SBF2: variants seen among roughly 807,000 people sequenced by gnomAD.
SBF2 encodes myotubularin-related protein 13.
SBF2 carries 112 observed loss-of-function variants against 225.2 expected under a neutral mutation model. The observed-to-expected ratio is 0.50, with a 90% CI of 0.43 to 0.58. The LOEUF (loss-of-function observed/expected upper bound fraction) is 0.58, where lower values mean the gene tolerates loss of function less well. SBF2 is among the 20% of genes least tolerant of loss of function. The pLI is 0.00. For synonymous variants in SBF2, 763 were observed against 773.3 expected (o/e 0.99, Z 0.22); for missense variants, 1,996 against 2,206.2 (o/e 0.90, Z 1.91).
intron 2 of SBF2, among the ~76,000 whole-genome samples, chr11:10,095,569 G>C (rs537103321): frequency 6.6e-6 from 1 of 152,074 alleles, no homozygotes; most frequent in Non-Finnish European, 1.5e-5. Flanking sequence ...ATCAACTGCT[G>C]CTAGGTGTAA....
intron 1 of SBF2, among the ~76,000 whole-genome samples, chr11:10,235,781 T>C (rs1397378364): frequency 6.6e-6 from 1 of 152,122 alleles, no homozygotes; most frequent in East Asian, 1.9e-4. Context: ...CATCTAGATA[T>C]CCATCATTCA....
chr11:9,886,504 T>C (rs1191437681), intron 17 of SBF2, among the ~76,000 whole-genome samples: 1 of 152,032 alleles, frequency 6.6e-6, no homozygotes, highest in Non-Finnish European at 1.5e-5. Flanking sequence ...TCTGGACAGA[T>C]CCACATAGAA....
chr11:9,785,530 AT>A (rs1036456707), intron 36 of SBF2, among the ~76,000 whole-genome samples: 1 of 152,194 alleles, frequency 6.6e-6, no homozygotes, highest in African/African-American at 2.4e-5. Context: ...AAATTATGGC[AT>A]TTCCATACAG....
At position 9,794,676 on chromosome 11, in the gene SBF2, CAAAAAAA is replaced by C. The variant is rs575749593; in HGVS notation, c.4570+1148_4570+1154del. 5.1e-4 allele frequency among the ~76,000 whole-genome samples: 18 copies of C among 35,354 alleles called. No homozygotes were observed. In the South Asian group the frequency reaches 6.8e-3, roughly 13 times the overall value. 23.2% of individuals were successfully genotyped at this position (35,354 alleles called of 152,430 possible). The stretch of plus-strand genomic sequence containing the variant: ...TGATACAGTGAGTGGGACTCCGTCT[CAAAAAAA>C]AAAAAAAAAAAAAAAAAAAAAAAAG... On this transcript the variant is annotated intron_variant, in intron 33 of 39. Transcript: ENST00000256190.
chr11:10,173,209 C>T (rs562816845), intron 2 of SBF2, among the ~76,000 whole-genome samples: 5 of 152,302 alleles, frequency 3.3e-5, no homozygotes, highest in Admixed American at 6.5e-5. Flanking sequence ...GCGTGAGCGA[C>T]GCAGAAGACG....
chr11:10,156,812 C>G (rs10770096), intron 2 of SBF2, among the ~76,000 whole-genome samples: 80,533 of 152,044 alleles, frequency 0.53, 21,623 homozygotes, highest in Admixed American at 0.61. Context: ...ATCAGAGGAA[C>G]AATCAATATT....
chr11:9,908,080 AT>A (rs1176749790), intron 16 of SBF2, among the ~76,000 whole-genome samples: 3 of 152,254 alleles, frequency 2.0e-5, no homozygotes, highest in African/African-American at 7.2e-5. Flanking sequence ...AACATAATTC[AT>A]GAAAAAGAAA....
chr11:9,967,323 G>C (rs1866979828), intron 14 of SBF2, among the ~76,000 whole-genome samples: 1 of 149,420 alleles, frequency 6.7e-6, no homozygotes, highest in Non-Finnish European at 1.5e-5. Flanking sequence ...AGTGAGCCGA[G>C]ATTGCTCCAC....
intron 16 of SBF2, 23 bp from the exon 17 acceptor site, chr11:9,896,034 A>C (rs2134134529): frequency 2.5e-6 from 4 of 1,580,382 alleles, no homozygotes; most frequent in East Asian, 2.2e-5. Flanking sequence ...CAAAGACAAA[A>C]GAGCATTAGG....
rs1018429394 is a variant in SBF2 at position 10,063,850 on chromosome 11, CACACACACAGAGAG to C, written c.142-20883_142-20870del. 3.7e-5 allele frequency among the ~76,000 whole-genome samples: 5 copies of C among 134,638 alleles called. No homozygotes were observed. The Admixed American group carries it at 3.9e-4, about 10-fold the overall frequency. The allele number at this position is 134,638 out of a possible 152,430, so 88.3% of individuals were successfully genotyped here. Reference sequence around the variant, plus strand: ...AATAAAACACACACACACACACACACACACACACAGAGAGAGAGAGAGAGAGAGAGAAAACGAAA... The same window carrying C: ...AATAAAACACACACACACACACACACAGAGAGAGAGAGAGAGAAAACGAAA... On this transcript the variant is annotated intron_variant, in intron 2 of 39. Coordinates refer to ENST00000256190, the MANE Select transcript of SBF2 (RefSeq NM_030962.4).
intron 2 of SBF2, among the ~76,000 whole-genome samples, chr11:10,079,969 C>G (rs563546204): frequency 1.4e-5 from 2 of 144,124 alleles, no homozygotes; most frequent in South Asian, 4.6e-4. Flanking sequence ...AAATGTGGGA[C>G]AGGCACGATG....
intron 32 of SBF2, among the ~76,000 whole-genome samples, chr11:9,805,748 A>T (rs1263116417): frequency 6.6e-6 from 1 of 152,042 alleles, no homozygotes; most frequent in Non-Finnish European, 1.5e-5. Context: ...TCAGCCTCCC[A>T]AGTAGCTGGG....
rs1856491250 is a variant in SBF2 at position 9,845,644 on chromosome 11, T to C, written c.3031A>G (p.Ser1011Gly). ...MKFRYPQSIF[S>G]TFAFAAGQTT... ...TGTCCAGCAGCAAAAGCAAAGGTACTGAAAATGGACTGAGGATAACGGAAC... is the reference window on the plus strand; with the variant it reads ...TGTCCAGCAGCAAAAGCAAAGGTACCGAAAATGGACTGAGGATAACGGAAC... The change falls in exon 24 of 40, where the codon AGT becomes GGT. Residue 1011 changes from serine (S) to glycine (G), a missense_variant. By Grantham distance (56) the Ser-to-Gly change is moderately conservative. Transcript: ENST00000256190. 1 of 1,613,974 alleles carries C rather than the reference T, an allele frequency of 6.2e-7. No homozygotes were observed.
At chr11:10,161,047 C>T (rs1261323217) in intron 2 of SBF2, among the ~76,000 whole-genome samples, 1 of 151,910 alleles carries the variant, frequency 6.6e-6, no homozygotes, top group African/African-American at 2.4e-5. Flanking sequence ...ATTAGCTAGG[C>T]TTGGTGGCAC....
intron 6 of SBF2, among the ~76,000 whole-genome samples, chr11:10,024,464 AT>A: frequency 6.6e-6 from 1 of 152,216 alleles, no homozygotes; most frequent in South Asian, 2.1e-4. Flanking sequence ...TCAACACAAA[AT>A]GCTCCTCCCA....
At chr11:9,842,153 A>G (rs1856204002) in intron 25 of SBF2, among the ~76,000 whole-genome samples, 1 of 152,104 alleles carries the variant, frequency 6.6e-6, no homozygotes, top group Non-Finnish European at 1.5e-5. Flanking sequence ...GTTCTTTCAA[A>G]TATTTAGCAA....
rs573167714 is a variant in SBF2 at position 9,921,159 on chromosome 11, C to T, written c.1861-25148G>A. On this transcript the variant is annotated intron_variant, in intron 16 of 39. Coordinates refer to ENST00000256190, the MANE Select transcript of SBF2 (RefSeq NM_030962.4). ...GATCTCAGCTCACTGCAACTTCCAC[C>T]TCTCGGGTTCAAGCGATTCTCCTGC... 4.0e-5 allele frequency among the ~76,000 whole-genome samples: 6 copies of T among 150,286 alleles called. No homozygotes were observed. The South Asian group carries it at 1.3e-3, about 32-fold the overall frequency.
At chr11:9,804,021 G>A (rs1244884509) in intron 32 of SBF2, among the ~76,000 whole-genome samples, 1 of 152,142 alleles carries the variant, frequency 6.6e-6, no homozygotes, top group Non-Finnish European at 1.5e-5. Flanking sequence ...GGAGGCTATC[G>A]TGGGACTAGC....
At chr11:9,864,247 C>T (rs1350518166) in intron 17 of SBF2, among the ~76,000 whole-genome samples, 1 of 152,146 alleles carries the variant, frequency 6.6e-6, no homozygotes, top group African/African-American at 2.4e-5. Flanking sequence ...TCCTTAAACT[C>T]AGAATGGTCT....
Sources: gnomAD v4.1 joint callset for allele counts (sites outside exome capture counted in the v4.1 genomes callset) on GRCh38, gnomAD v4.1.1 for gene constraint, MANE v1.5 for transcripts, NCBI Gene and HGNC (gene_info 2026-07-23, HGNC 2026-07-21) for gene names.